MOCOS: variants seen among roughly 807,000 people sequenced by gnomAD.
MOCOS encodes human molybdenum cofactor sulfurase.
Under a neutral mutation model 83.6 loss-of-function variants are expected in MOCOS, and 86 were observed. The observed-to-expected ratio is 1.03, with a 90% CI of 0.86 to 1.23. The LOEUF (loss-of-function observed/expected upper bound fraction) is 1.23, where lower values mean the gene tolerates loss of function less well. MOCOS is among the 50% of genes most tolerant of loss of function. MOCOS has a pLI of 0.00. For missense variants in MOCOS, 1,120 were observed against 1,126.9 expected (o/e 0.99, Z 0.09); for synonymous variants, 445 against 434.7 (o/e 1.02, Z -0.29).
Position 36,203,045 on chromosome 18 carries a change from A to G in MOCOS, c.942-68A>G, listed in dbSNP as rs111323975. 15,155 of 1,457,802 alleles carry G rather than the reference A, an allele frequency of 0.01. 132 individuals carry two copies. Among genetic ancestry groups the G allele is most frequent in the Non-Finnish European group, 0.012 (12,310 of 1,037,294 alleles). The allele number at this position is 1,457,802 out of a possible 1,614,324, so 90.3% of individuals were successfully genotyped here. A position where few individuals can be genotyped will look rare whatever the true frequency, so the allele number is the denominator to read the frequency against. On this transcript the variant is annotated intron_variant, in intron 4 of 14. Transcript: ENST00000261326. Reference sequence around the variant, plus strand: ...AAGCCTAAAATCTAAAGCTCATTATATACCACGAAATGCACATGGATTGTT... The same window carrying G: ...AAGCCTAAAATCTAAAGCTCATTATGTACCACGAAATGCACATGGATTGTT...
In MOCOS at chr18:36,227,912, G is replaced by C. The variant is rs917690301; in HGVS notation, c.1960+7695G>C. Among the ~76,000 whole-genome samples the C allele has an allele frequency of 4.6e-5, 7 of 152,284 alleles. No individual in the cohort carries two copies. In the East Asian group the frequency reaches 1.3e-3, roughly 29 times the overall value. On this transcript the variant is annotated intron_variant, in intron 9 of 14. Coordinates refer to ENST00000261326, the MANE Select transcript of MOCOS (RefSeq NM_017947.4). The stretch of plus-strand genomic sequence containing the variant: ...AGAGTAAACAGACAGCCTATAGAAT[G>C]GGAGAAAATTTTTGCAAACTATGCA...
At chr18:36,267,642 C>A (rs1274528739) in intron 14 of MOCOS, among the ~76,000 whole-genome samples, 1 of 152,116 alleles carries the variant, frequency 6.6e-6, no homozygotes, top group African/African-American at 2.4e-5. Context: ...GTGCATTTGA[C>A]TGTTACAGCA....
intron 9 of MOCOS, among the ~76,000 whole-genome samples, chr18:36,241,511 T>G (rs1437216841): frequency 6.6e-6 from 1 of 152,206 alleles, no homozygotes; most frequent in Non-Finnish European, 1.5e-5. Flanking sequence ...CTTCATGGGC[T>G]GAAGTTGAGT....
At chr18:36,194,441 C>T (rs182452309) in intron 1 of MOCOS, among the ~76,000 whole-genome samples, 10 of 152,224 alleles carry the variant, frequency 6.6e-5, no homozygotes, top group East Asian at 3.9e-4. Context: ...ATTTTAAAAG[C>T]GCATTGATGG....
At position 36,269,962 on chromosome 18, in the gene MOCOS, G is replaced by A. The variant is rs1054103573; in HGVS notation, c.*1277G>A. Reference sequence around the variant, plus strand: ...AGTTTGTTTCATTATCACATTTGTAGGACTTTGTGTTGTTCCCAGCACTAG... The same window carrying A: ...AGTTTGTTTCATTATCACATTTGTAAGACTTTGTGTTGTTCCCAGCACTAG... On this transcript the variant is annotated 3_prime_UTR_variant, in exon 15 of 15. Coordinates refer to ENST00000261326, the MANE Select transcript of MOCOS (RefSeq NM_017947.4). The A allele has an allele frequency of 1.3e-5, 2 of 152,208 alleles. No individual in the cohort carries two copies. The highest frequency in any genetic ancestry group is 2.9e-5 in the Non-Finnish European group (2 of 68,056). 9.4% of individuals were successfully genotyped at this position (152,208 alleles called of 1,614,324 possible).
At chr18:36,191,592 C>T (rs2091366279) in intron 1 of MOCOS, among the ~76,000 whole-genome samples, 1 of 152,290 alleles carries the variant, frequency 6.6e-6, no homozygotes, top group South Asian at 2.1e-4. Context: ...TACAGGTGTG[C>T]ACCACCATGC....
intron 13 of MOCOS, 144 bp downstream of exon 13, chr18:36,260,319 C>A: frequency 4.6e-6 from 5 of 1,083,328 alleles, no homozygotes; most frequent in Non-Finnish European, 6.9e-6. Flanking sequence ...GTTATGTAAG[C>A]TTAGCCTTCT....
intron 5 of MOCOS, 131 bp downstream of exon 5, chr18:36,203,320 A>T: frequency 1.2e-6 from 1 of 866,168 alleles, no homozygotes; most frequent in East Asian, 2.5e-5. Context: ...GTTAAATTTG[A>T]TTCCTAGTAA....
chr18:36,207,274 C>T (rs1052310869), intron 6 of MOCOS, among the ~76,000 whole-genome samples: 2 of 152,052 alleles, frequency 1.3e-5, no homozygotes, highest in Non-Finnish European at 1.5e-5. Flanking sequence ...TGGCCTCATG[C>T]GATCCACCTG....
At chr18:36,263,972 T>G (rs1013519576) in intron 13 of MOCOS, among the ~76,000 whole-genome samples, 3 of 151,974 alleles carry the variant, frequency 2.0e-5, no homozygotes, top group African/African-American at 7.3e-5. Context: ...AGGTCAGGAG[T>G]TTGACACCAG....
At chr18:36,221,289 C>T (rs945245999) in intron 9 of MOCOS, among the ~76,000 whole-genome samples, 21 of 152,184 alleles carry the variant, frequency 1.4e-4, no homozygotes, top group East Asian at 1.9e-4. Flanking sequence ...TTGGACAGCA[C>T]GGGTATAAAG....
In MOCOS at chr18:36,200,202, C is replaced by A; in HGVS notation, c.819C>A (p.Gly273=). 1 of 1,614,166 alleles carries A rather than the reference C, an allele frequency of 6.2e-7. No individual in the cohort carries two copies. The highest frequency in any genetic ancestry group is 8.5e-7 in the Non-Finnish European group (1 of 1,180,040). The change falls in exon 4 of 15, where the codon GGC becomes GGA. Residue 273 remains glycine (G), a synonymous_variant. Coordinates refer to ENST00000261326, the MANE Select transcript of MOCOS (RefSeq NM_017947.4). ...TCTTCGGGTTTCCTACAGGCCTGGGCGCTCTGCTGGTCCATAATCGTGCGG... is the reference window on the plus strand; with the variant it reads ...TCTTCGGGTTTCCTACAGGCCTGGGAGCTCTGCTGGTCCATAATCGTGCGG... ...YKIFGFPTGL[G]ALLVHNRAAP...
chr18:36,209,185 T>TC (rs1568052735), intron 6 of MOCOS, among the ~76,000 whole-genome samples: 1 of 152,064 alleles, frequency 6.6e-6, no homozygotes, highest in Non-Finnish European at 1.5e-5. Flanking sequence ...TCTTTTTTTT[T>TC]TTTCTTTCTT....
chr18:36,258,600 C>T (rs999215651), intron 12 of MOCOS, among the ~76,000 whole-genome samples: 16 of 152,236 alleles, frequency 1.1e-4, no homozygotes, highest in African/African-American at 3.6e-4. Context: ...TCCTTCCCAA[C>T]CCCATAGTCT....
chr18:36,228,894 C>G (rs1279221802), intron 9 of MOCOS, among the ~76,000 whole-genome samples: 2 of 151,214 alleles, frequency 1.3e-5, no homozygotes. Flanking sequence ...GTTTCAAACT[C>G]CTGGCCTCAA....
chr18:36,209,114 A>G (rs2091445030), intron 6 of MOCOS, among the ~76,000 whole-genome samples: 1 of 151,454 alleles, frequency 6.6e-6, no homozygotes, highest in Non-Finnish European at 1.5e-5. Flanking sequence ...GTGTACGTTG[A>G]ACCAGCTTTG....
At chr18:36,198,054 T>G (rs933748849) in intron 2 of MOCOS, among the ~76,000 whole-genome samples, 1 of 152,182 alleles carries the variant, frequency 6.6e-6, no homozygotes, top group Non-Finnish European at 1.5e-5. Context: ...TTTGAAGTTC[T>G]TTCATGGCAT....
At chr18:36,210,863 A>AAAAAAAAAAAAAAAAAAAAAAAAG (rs2091452931) in intron 6 of MOCOS, among the ~76,000 whole-genome samples, 1 of 113,350 alleles carries the variant, frequency 8.8e-6, no homozygotes, top group Admixed American at 9.1e-5. Context: ...AAAAAAAAAA[A>AAAAAAAAAAAAAAAAAAAAAAAAG]AAAAAAAAAA....
intron 6 of MOCOS, among the ~76,000 whole-genome samples, chr18:36,205,770 C>T (rs1374600743): frequency 6.6e-5 from 10 of 152,114 alleles, no homozygotes; most frequent in South Asian, 2.1e-4. Flanking sequence ...GGTGGGGTCT[C>T]GCTCTTTCAC....
Sources: gnomAD v4.1 joint callset for allele counts (sites outside exome capture counted in the v4.1 genomes callset) on GRCh38, gnomAD v4.1.1 for gene constraint, MANE v1.5 for transcripts, NCBI Gene and HGNC (gene_info 2026-07-23, HGNC 2026-07-21) for gene names.